Variants in CD34 observed in about 807,000 individuals in gnomAD.
CD34 encodes hematopoietic progenitor cell antigen CD34.
Under a neutral mutation model 40.1 loss-of-function variants are expected in CD34, and 34 were observed. That is an observed-to-expected ratio of 0.85 (90% CI 0.65 to 1.13). The LOEUF is 1.13. Ranked by LOEUF, CD34 falls within the 50% of genes most tolerant of loss-of-function variation. The pLI, the probability that CD34 is intolerant of heterozygous loss-of-function variation, is 0.00. For synonymous variants in CD34, 209 were observed against 190.0 expected (o/e 1.10, Z -0.82); for missense variants, 426 against 466.9 (o/e 0.91, Z 0.81).
At chr1:207,888,874 C>T (rs747179304) in intron 6 of CD34, 28 bp from the exon 7 acceptor site, 3 of 1,610,692 alleles carry the variant, frequency 1.9e-6, no homozygotes, top group South Asian at 2.2e-5. Context: ...GAAGATACAG[C>T]CTGTCACTTG....
chr1:207,897,446 A>C (rs1239283820), intron 4 of CD34, 47 bp downstream of exon 4: 1 of 1,341,350 alleles, frequency 7.5e-7, no homozygotes, highest in South Asian at 1.3e-5. Context: ...GGGATGGAGG[A>C]AAGGGACAGG....
rs3738461 is a variant in CD34 at position 207,897,478 on chromosome 1, G to C, written c.597+15C>G. ...CAGGGGCGGGAGGAAGAGGTTGGGT[G>C]GGGGGTTGACTTACACAGCTGGAGG... On this transcript the variant is annotated intron_variant, in intron 4 of 7. Transcript: ENST00000310833. The C allele has an allele frequency of 1.3e-4, 200 of 1,542,018 alleles. 2 individuals are homozygous for C. In the East Asian group the frequency reaches 4.2e-3, roughly 32 times the overall value.
At chr1:207,903,455 T>C (rs968551704) in intron 1 of CD34, among the ~76,000 whole-genome samples, 1 of 152,142 alleles carries the variant, frequency 6.6e-6, no homozygotes, top group Non-Finnish European at 1.5e-5. Context: ...ATAGTACAAT[T>C]TAAAGTTGAA....
chr1:207,893,904 T>A (rs1016861940), intron 4 of CD34, among the ~76,000 whole-genome samples: 3 of 152,132 alleles, frequency 2.0e-5, no homozygotes, highest in East Asian at 1.9e-4. Context: ...GCTGCTATTT[T>A]AAAAACCCAG....
chr1:207,902,604 G>GC (rs1301748000), intron 1 of CD34, among the ~76,000 whole-genome samples: 2 of 151,980 alleles, frequency 1.3e-5, no homozygotes, highest in African/African-American at 4.8e-5. Context: ...CTTCCTCTTC[G>GC]CCCCCAGCAT....
In CD34 at chr1:207,911,035, C is replaced by T. The variant is rs770452625; in HGVS notation, c.46G>A (p.Gly16Ser). ...GARAGPRMPR[G>S]WTALCLLSLL... ...CTCAGCAAGCAAAGCGCGGTCCAGCCCCGCGGCATCCTGGGCCCTGCGCGC... is the reference window on the plus strand; with the variant it reads ...CTCAGCAAGCAAAGCGCGGTCCAGCTCCGCGGCATCCTGGGCCCTGCGCGC... The change falls in exon 1 of 8, where the codon GGC (glycine) becomes AGC (serine). Residue 16 changes from glycine to serine, a missense_variant. Physicochemically the swap from Gly to Ser is moderately conservative, Grantham distance 56. Coordinates refer to ENST00000310833, the MANE Select transcript of CD34 (RefSeq NM_001025109.2). 23 of 1,593,596 alleles carry T rather than the reference C, an allele frequency of 1.4e-5. No individual in the cohort carries two copies. The highest frequency in any genetic ancestry group is 1.8e-5 in the Non-Finnish European group (21 of 1,173,418).
chr1:207,892,714 A>G (rs1662063355), intron 4 of CD34, among the ~76,000 whole-genome samples: 1 of 152,112 alleles, frequency 6.6e-6, no homozygotes, highest in Non-Finnish European at 1.5e-5. Flanking sequence ...CATATTGATC[A>G]TATTCTATGC....
chr1:207,902,894 C>T (rs1160184995), intron 1 of CD34, among the ~76,000 whole-genome samples: 2 of 152,164 alleles, frequency 1.3e-5, no homozygotes, highest in East Asian at 3.9e-4. Context: ...AGCCCCTCCA[C>T]CCACCACCAG....
chr1:207,889,090 T>C (rs542752125), intron 6 of CD34, 71 bp downstream of exon 6: 4 of 1,008,706 alleles, frequency 4.0e-6, no homozygotes, highest in East Asian at 4.7e-5. Flanking sequence ...AGATAATGAC[T>C]TCCCCCCTTA....
chr1:207,884,962 A>G lies in CD34; in HGVS notation c.*2776T>C, dbSNP rs956657187. ...AGTAACACGGAGGACTCGGCAGAAG[A>G]GTAGGATGATATGATGGAAGGGAAA... is the stretch of plus-strand genomic sequence containing the variant. On this transcript the variant is annotated 3_prime_UTR_variant, in exon 8 of 8. Coordinates refer to ENST00000310833, the MANE Select transcript of CD34 (RefSeq NM_001025109.2). 6.6e-6 allele frequency: 1 copy of G among 152,190 alleles called. No homozygotes were observed. The highest frequency in any genetic ancestry group is 1.5e-5 in the Non-Finnish European group (1 of 68,022). 9.4% of individuals were successfully genotyped at this position (152,190 alleles called of 1,614,324 possible). A position where few individuals can be genotyped will look rare whatever the true frequency, so the allele number is the denominator to read the frequency against.
chr1:207,910,174 T>C (rs1415695305), intron 1 of CD34, among the ~76,000 whole-genome samples: 1 of 152,104 alleles, frequency 6.6e-6, no homozygotes, highest in Non-Finnish European at 1.5e-5. Flanking sequence ...TAAGGATATG[T>C]GTAGGTGAGT....
At position 207,899,821 on chromosome 1, in the gene CD34, C is replaced by T. The variant is rs1662237184; in HGVS notation, c.262G>A (p.Glu88Lys). The part of the protein sequence containing the change: ...HGNEATTNIT[E>K]TTVKFTSTSV... The stretch of plus-strand genomic sequence containing the variant: ...GATCTGACACAAATGCTGTTTTTAC[C>T]TGTGATGTTTGTTGTGGCCTCATTG... Residue 88 changes from glutamate to lysine, a missense_variant and splice_region_variant, in exon 2 of 8, where the codon GAA becomes AAA. Coordinates refer to ENST00000310833, the MANE Select transcript of CD34 (RefSeq NM_001025109.2). The T allele has an allele frequency of 1.2e-6, 2 of 1,607,416 alleles. No homozygotes were observed. Among genetic ancestry groups the T allele is most frequent in the African/African-American group, 2.7e-5 (2 of 74,596 alleles).
chr1:207,891,896 C>T (rs1365273318), intron 4 of CD34, among the ~76,000 whole-genome samples: 2 of 151,920 alleles, frequency 1.3e-5, no homozygotes, highest in East Asian at 1.9e-4. Flanking sequence ...TACTAAGGAG[C>T]GTGAGGACAC....
chr1:207,889,321 C>CG (rs1661979473), intron 5 of CD34, 108 bp from the exon 6 acceptor site: 9 of 1,564,640 alleles, frequency 5.8e-6, no homozygotes, highest in Middle Eastern at 1.7e-4. Context: ...TGGTCCATCT[C>CG]GGGGGGACCG....
chr1:207,889,087 G>T (rs1661972296), intron 6 of CD34, 74 bp downstream of exon 6: 2 of 988,836 alleles, frequency 2.0e-6, no homozygotes, highest in South Asian at 1.3e-5. Context: ...GGAAGATAAT[G>T]ACTTCCCCCC....
chr1:207,895,882 A>G (rs1004264432), intron 4 of CD34, among the ~76,000 whole-genome samples: 5 of 152,240 alleles, frequency 3.3e-5, no homozygotes, highest in Admixed American at 2.6e-4. Context: ...GTTGAAAATC[A>G]GCATCAGAAA....
intron 1 of CD34, among the ~76,000 whole-genome samples, chr1:207,908,455 C>T (rs1332734806): frequency 6.6e-6 from 1 of 152,240 alleles, no homozygotes; most frequent in East Asian, 1.9e-4. Flanking sequence ...GAGTCCTCTC[C>T]CCTCTGGAAA....
intron 4 of CD34, among the ~76,000 whole-genome samples, chr1:207,896,079 G>A (rs567468847): frequency 2.0e-5 from 3 of 152,244 alleles, no homozygotes; most frequent in East Asian, 1.9e-4. Flanking sequence ...ACTGATGATC[G>A]TAGTAAAACT....
chr1:207,895,135 C>T (rs1234433580), intron 4 of CD34, among the ~76,000 whole-genome samples: 1 of 152,162 alleles, frequency 6.6e-6, no homozygotes, highest in African/African-American at 2.4e-5. Flanking sequence ...AAGTACAAAT[C>T]CAACCTAAGG....
Sources: allele counts gnomAD v4.1 joint callset (sites outside exome capture counted in the v4.1 genomes callset), GRCh38; gene constraint gnomAD v4.1.1; transcripts MANE v1.5; gene names NCBI Gene and HGNC (gene_info 2026-07-23, HGNC 2026-07-21).